The following SPATA13 variants were observed in gnomAD, a reference collection of about 807,000 sequenced individuals.
The protein encoded by SPATA13 is spermatogenesis-associated protein 13.
In SPATA13, 50 loss-of-function variants were observed where a neutral mutation model predicts 104.0. That is an observed-to-expected ratio of 0.48 (90% CI 0.38 to 0.61). The LOEUF (loss-of-function observed/expected upper bound fraction) is 0.61, where lower values mean the gene tolerates loss of function less well. SPATA13 is among the 20% of genes least tolerant of loss of function. SPATA13 has a pLI of 0.00. For missense variants in SPATA13, 1,524 were observed against 1,690.6 expected, an observed-to-expected ratio of 0.90 and a Z score of 1.73; for synonymous variants, 606 against 667.5, an observed-to-expected ratio of 0.91 and a Z score of 1.42.
intron 3 of SPATA13, among the ~76,000 whole-genome samples, chr13:24,072,240 T>A (rs1298032073): frequency 3.3e-5 from 5 of 152,306 alleles, no homozygotes; most frequent in African/African-American, 1.2e-4. Context: ...AAATTAATTT[T>A]TAAAAGCCCT....
intron 3 of SPATA13, among the ~76,000 whole-genome samples, chr13:24,149,352 T>C (rs1304377970): frequency 6.6e-6 from 1 of 152,202 alleles, no homozygotes; most frequent in African/African-American, 2.4e-5. Flanking sequence ...TATGTTCTCA[T>C]ATGTGAGATC....
chr13:24,278,322 G>A (rs946013134), intron 4 of SPATA13, among the ~76,000 whole-genome samples: 1 of 152,168 alleles, frequency 6.6e-6, no homozygotes, highest in Admixed American at 6.5e-5. Flanking sequence ...GGGGACAACT[G>A]ACAGTACCTC....
chr13:24,194,941 T>G (rs1259582750), intron 1 of SPATA13, among the ~76,000 whole-genome samples: 1 of 152,226 alleles, frequency 6.6e-6, no homozygotes, highest in Non-Finnish European at 1.5e-5. Context: ...GATACAACTT[T>G]TTAAGCTTTA....
intron 1 of SPATA13, among the ~76,000 whole-genome samples, chr13:24,217,634 A>T (rs1871329323): frequency 1.3e-5 from 2 of 152,236 alleles, no homozygotes; most frequent in Admixed American, 6.5e-5. Context: ...TTTCAAACAG[A>T]GAATCTAATA....
At chr13:23,983,413 A>G (rs1018285761) in intron 1 of SPATA13, among the ~76,000 whole-genome samples, 5 of 152,182 alleles carry the variant, frequency 3.3e-5, no homozygotes, top group African/African-American at 1.2e-4. Context: ...TGAAGGCCCT[A>G]TCTCCAAACA....
intron 3 of SPATA13, among the ~76,000 whole-genome samples, chr13:24,023,700 C>T (rs539880995): frequency 9.2e-5 from 14 of 152,074 alleles, no homozygotes; most frequent in African/African-American, 1.4e-4. Flanking sequence ...TGTGAGAACC[C>T]GATCTGACAT....
intron 2 of SPATA13, among the ~76,000 whole-genome samples, chr13:23,985,358 C>A (rs928606261): frequency 1.3e-5 from 2 of 152,234 alleles, no homozygotes; most frequent in Non-Finnish European, 2.9e-5. Context: ...TGTGTCATGG[C>A]GTGGCCACCC....
At chr13:24,198,052 G>A (rs767526289) in intron 1 of SPATA13, among the ~76,000 whole-genome samples, 20 of 152,164 alleles carry the variant, frequency 1.3e-4, no homozygotes, top group Non-Finnish European at 2.5e-4. Context: ...CTGGAGTGCA[G>A]TGGCATGATC....
intron 5 of SPATA13, among the ~76,000 whole-genome samples, chr13:24,284,788 C>T (rs1593498329): frequency 6.6e-6 from 1 of 152,186 alleles, no homozygotes; most frequent in East Asian, 1.9e-4. Context: ...CATCAGTGTT[C>T]GGCCAGTGCT....
intron 3 of SPATA13, among the ~76,000 whole-genome samples, chr13:24,039,097 G>A (rs551073891): frequency 7.9e-5 from 12 of 152,290 alleles, no homozygotes; most frequent in African/African-American, 2.4e-4. Flanking sequence ...AGAAAATCTG[G>A]ATTGCTCCCT....
intron 2 of SPATA13, among the ~76,000 whole-genome samples, chr13:24,005,869 T>C (rs541043344): frequency 6.6e-6 from 1 of 152,322 alleles, no homozygotes; most frequent in South Asian, 2.1e-4. Context: ...TGACATTTTT[T>C]TCCCTTCTTA....
intron 1 of SPATA13, among the ~76,000 whole-genome samples, chr13:24,192,703 C>G (rs919188133): frequency 4.6e-5 from 7 of 152,216 alleles, no homozygotes; most frequent in Non-Finnish European, 8.8e-5. Flanking sequence ...CCCGCTTCTA[C>G]GGTGTGATTG....
chr13:23,988,397 G>T (rs554338388), intron 2 of SPATA13, among the ~76,000 whole-genome samples: 4 of 152,248 alleles, frequency 2.6e-5, no homozygotes, highest in African/African-American at 9.6e-5. Flanking sequence ...TCTGTGCTAT[G>T]GTGATAACAT....
intron 1 of SPATA13, among the ~76,000 whole-genome samples, chr13:24,203,094 ATCCATTAGCTATTCT>A (rs1870514994): frequency 6.6e-6 from 1 of 152,002 alleles, no homozygotes; most frequent in South Asian, 2.1e-4. Context: ...TAAGCCCAGC[ATCCATTAGCTATTCT>A]TCCTGATGCT....
chr13:24,084,187 G>C (rs1430194975), intron 3 of SPATA13, among the ~76,000 whole-genome samples: 3 of 152,212 alleles, frequency 2.0e-5, no homozygotes, highest in Non-Finnish European at 4.4e-5. Flanking sequence ...GACGAGAGAA[G>C]AAAGCAGCTG....
chr13:24,089,397 C>T (rs960043697), intron 3 of SPATA13, among the ~76,000 whole-genome samples: 3 of 152,194 alleles, frequency 2.0e-5, no homozygotes, highest in African/African-American at 7.2e-5. Context: ...GTTTTCACTG[C>T]TGTGGACGCT....
At chr13:24,124,193 T>C (rs780144030) in intron 3 of SPATA13, among the ~76,000 whole-genome samples, 1 of 152,266 alleles carries the variant, frequency 6.6e-6, no homozygotes, top group Non-Finnish European at 1.5e-5. Flanking sequence ...GAGCTGATGA[T>C]AAACTGATTT....
intron 1 of SPATA13, among the ~76,000 whole-genome samples, chr13:24,194,569 G>A (rs55881897): frequency 0.013 from 1,910 of 152,272 alleles, 13 homozygotes; most frequent in Non-Finnish European, 0.021. Flanking sequence ...AACAGTTTGA[G>A]GATTTGGTAG....
At chr13:24,026,001 C>T (rs902719473) in intron 3 of SPATA13, among the ~76,000 whole-genome samples, 2 of 152,068 alleles carry the variant, frequency 1.3e-5, no homozygotes, top group Non-Finnish European at 2.9e-5. Context: ...GATGGGGTTT[C>T]ACCATGTTGG....
Sources: gnomAD v4.1 joint callset for allele counts (sites outside exome capture counted in the v4.1 genomes callset) on GRCh38, gnomAD v4.1.1 for gene constraint, MANE v1.5 for transcripts, NCBI Gene and HGNC (gene_info 2026-07-23, HGNC 2026-07-21) for gene names.